Variants in ATP2B2 observed in about 807,000 individuals in gnomAD.
ATP2B2 encodes plasma membrane calcium-transporting ATPase 2.
A neutral mutation model predicts 120.0 loss-of-function variants in ATP2B2; 15 were observed. The ratio of observed to expected loss-of-function variants is 0.12; its 90% CI spans 0.08 to 0.19. The LOEUF (loss-of-function observed/expected upper bound fraction) is 0.19. ATP2B2 is among the 10% of genes least tolerant of loss of function. ATP2B2 has a pLI of 1.00. For synonymous variants in ATP2B2, 694 were observed against 700.3 expected (o/e 0.99, Z 0.14); for missense variants, 1,045 against 1,719.8 (o/e 0.61, Z 6.94).
chr3:10,608,246 C>T (rs1367040568), intron 2 of ATP2B2, among the ~76,000 whole-genome samples: 1 of 152,252 alleles, frequency 6.6e-6, no homozygotes, highest in African/African-American at 2.4e-5. Flanking sequence ...AAGCTGACCA[C>T]ATCAAGCCCC....
intron 1 of ATP2B2, among the ~76,000 whole-genome samples, chr3:10,655,557 A>T (rs9872155): frequency 6.6e-6 from 1 of 151,756 alleles, no homozygotes; most frequent in Non-Finnish European, 1.5e-5. Flanking sequence ...TTGCCTGGCA[A>T]TTAGTAGAAA....
intron 2 of ATP2B2, among the ~76,000 whole-genome samples, chr3:10,590,930 T>G (rs539396457): frequency 9.9e-5 from 15 of 152,150 alleles, no homozygotes; most frequent in African/African-American, 2.7e-4. Flanking sequence ...TGGGGAGTGG[T>G]GACACCAGGT....
chr3:10,605,342 C>G (rs181461736), intron 2 of ATP2B2, among the ~76,000 whole-genome samples: 6 of 152,308 alleles, frequency 3.9e-5, no homozygotes, highest in Admixed American at 3.3e-4. Flanking sequence ...CATCTCTATT[C>G]TACATATGGA....
intron 2 of ATP2B2, among the ~76,000 whole-genome samples, chr3:10,420,924 G>A (rs893462899): frequency 7.9e-5 from 12 of 152,334 alleles, no homozygotes; most frequent in Admixed American, 3.9e-4. Flanking sequence ...GGCATGGCCC[G>A]GACCTTGGGA....
At chr3:10,330,571 C>A (rs905999465) in intron 22 of ATP2B2, among the ~76,000 whole-genome samples, 1 of 152,240 alleles carries the variant, frequency 6.6e-6, no homozygotes, top group Non-Finnish European at 1.5e-5. Flanking sequence ...CAGGACAGAG[C>A]CTTAGTCGGC....
chr3:10,334,651 T>G (rs1471109465), intron 22 of ATP2B2, among the ~76,000 whole-genome samples: 1 of 152,250 alleles, frequency 6.6e-6, no homozygotes, highest in Non-Finnish European at 1.5e-5. Context: ...GTTTCTGTGC[T>G]GACGAATGAG....
intron 3 of ATP2B2, among the ~76,000 whole-genome samples, chr3:10,514,917 G>A (rs1312860335): frequency 6.6e-6 from 1 of 152,182 alleles, no homozygotes; most frequent in Non-Finnish European, 1.5e-5. Context: ...GGGGTTATTG[G>A]GCAAGACAGC....
At position 10,340,385 on chromosome 3, in the gene ATP2B2, A is replaced by AGG. The variant is rs761890982; in HGVS notation, c.3130-37_3130-36insCC. The AGG allele has an allele frequency of 6.2e-7, 1 of 1,612,786 alleles. No individual in the cohort carries two copies. The highest frequency in any genetic ancestry group is 1.1e-5 in the South Asian group (1 of 91,028). ...CAGGGGAGCAGAGAAAGAGAGAGAGAGAGGCCATCAGGGACCAGCACAGAG... is the reference window on the plus strand; with the variant it reads ...CAGGGGAGCAGAGAAAGAGAGAGAGAGGGAGGCCATCAGGGACCAGCACAGAG... On this transcript the variant is annotated intron_variant, in intron 20 of 22. Transcript: ENST00000360273. This position sits in a 1 kb window ranked among gnomAD's most constrained non-coding sequence, Gnocchi z 5.0.
At chr3:10,550,936 C>T (rs1039840922) in intron 2 of ATP2B2, among the ~76,000 whole-genome samples, 2 of 152,130 alleles carry the variant, frequency 1.3e-5, no homozygotes, top group East Asian at 1.9e-4. Context: ...GGATACGGCC[C>T]GGCCTGCTGT....
intron 1 of ATP2B2, among the ~76,000 whole-genome samples, chr3:10,689,468 A>C (rs190509367): frequency 1.3e-5 from 2 of 152,350 alleles, no homozygotes; most frequent in East Asian, 3.9e-4. Context: ...TCAGGCCAGT[A>C]AAATTAACAC....
intron 1 of ATP2B2, among the ~76,000 whole-genome samples, chr3:10,679,159 C>T (rs2071319703): frequency 6.6e-6 from 1 of 152,182 alleles, no homozygotes; most frequent in African/African-American, 2.4e-5. Context: ...ACACCAGCCA[C>T]ATCCTGGATT....
intron 5 of ATP2B2, among the ~76,000 whole-genome samples, chr3:10,395,803 G>T (rs1298899160): frequency 1.3e-5 from 2 of 152,210 alleles, no homozygotes; most frequent in Non-Finnish European, 2.9e-5. Context: ...TGCAAAGTGA[G>T]CACTGAGGTC....
At chr3:10,621,208 C>T (rs1343633803) in intron 1 of ATP2B2, among the ~76,000 whole-genome samples, 1 of 152,172 alleles carries the variant, frequency 6.6e-6, no homozygotes, top group Admixed American at 6.5e-5. Flanking sequence ...TTCTCTTCTA[C>T]TGCACACCCT....
At chr3:10,616,717 G>A (rs761340646) in intron 2 of ATP2B2, among the ~76,000 whole-genome samples, 5 of 152,098 alleles carry the variant, frequency 3.3e-5, no homozygotes, top group African/African-American at 4.8e-5. Flanking sequence ...TGGGGGCAGA[G>A]GATTTTTTCT....
chr3:10,558,050 C>A (rs1024282330), intron 2 of ATP2B2, among the ~76,000 whole-genome samples: 1 of 152,180 alleles, frequency 6.6e-6, no homozygotes, highest in Non-Finnish European at 1.5e-5. Flanking sequence ...CAGTAAGCTC[C>A]CAAGCAGACT....
intron 1 of ATP2B2, among the ~76,000 whole-genome samples, chr3:10,648,822 A>G (rs1254566048): frequency 6.6e-6 from 1 of 151,606 alleles, no homozygotes; most frequent in Non-Finnish European, 1.5e-5. Flanking sequence ...ACTTCTCCCT[A>G]CCTCCATTTC....
Position 10,340,936 on chromosome 3 carries a change from T to A in ATP2B2, c.2918-232A>T, listed in dbSNP as rs2060256910. ...GGAAGAAAGGCCTTGGGCAACTGTC[T>A]TCCACTTTTTCTGTGGAAACCCGAT... On this transcript the variant is annotated intron_variant, in intron 19 of 22. Coordinates refer to ENST00000360273, the MANE Select transcript of ATP2B2 (RefSeq NM_001001331.4). This position sits in a 1 kb window ranked among gnomAD's most constrained non-coding sequence, Gnocchi z 5.0. Among the ~76,000 whole-genome samples the A allele has an allele frequency of 6.6e-6, 1 of 152,184 alleles. No individual in the cohort carries two copies. Among genetic ancestry groups the A allele is most frequent in the Admixed American group, 6.5e-5 (1 of 15,286 alleles).
In ATP2B2 at chr3:10,425,349, A is replaced by G. The variant is rs1477648816; in HGVS notation, c.200-14534T>C. Among the ~76,000 whole-genome samples the G allele has an allele frequency of 2.0e-5, 3 of 152,310 alleles. No individual in the cohort carries two copies. The East Asian group carries it at 5.8e-4, about 29-fold the overall frequency. On this transcript the variant is annotated intron_variant, in intron 2 of 22. Coordinates refer to ENST00000360273, the MANE Select transcript of ATP2B2 (RefSeq NM_001001331.4). Reference sequence around the variant, plus strand: ...TTTTAACCAAGAGAATGTTATTTAAATAATTCAGACTTTAAAGGGGAAGTC... The same window carrying G: ...TTTTAACCAAGAGAATGTTATTTAAGTAATTCAGACTTTAAAGGGGAAGTC...
intron 1 of ATP2B2, among the ~76,000 whole-genome samples, chr3:10,678,477 T>C (rs539216517): frequency 2.6e-4 from 39 of 152,294 alleles, no homozygotes; most frequent in African/African-American, 9.1e-4. Context: ...TGTGTGTTTG[T>C]TTGTGGGGGA....
Sources: allele counts gnomAD v4.1 joint callset (sites outside exome capture counted in the v4.1 genomes callset), GRCh38; gene constraint gnomAD v4.1.1; non-coding constraint Gnocchi (gnomAD v3.1); transcripts MANE v1.5; gene names NCBI Gene and HGNC (gene_info 2026-07-23, HGNC 2026-07-21).